The following KYAT3 variants were observed in gnomAD, a reference collection of about 807,000 sequenced individuals.
KYAT3 encodes kynurenine aminotransferase 3.
KYAT3 carries 50 observed loss-of-function variants against 59.0 expected under a neutral mutation model. The ratio of observed to expected loss-of-function variants is 0.85; its 90% CI spans 0.68 to 1.07. KYAT3 has a LOEUF of 1.07. Among genes scored for constraint, KYAT3 ranks in the 50% least tolerant of loss-of-function variants. KYAT3 has a pLI of 0.00. For synonymous variants in KYAT3, 148 were observed against 177.0 expected (o/e 0.84, Z 1.30); for missense variants, 497 against 533.3 (o/e 0.93, Z 0.67).
At chr1:88,966,986 AT>A (rs1676373778) in intron 4 of KYAT3, among the ~76,000 whole-genome samples, 1 of 152,076 alleles carries the variant, frequency 6.6e-6, no homozygotes, top group Non-Finnish European at 1.5e-5. Flanking sequence ...GCAATGATTA[AT>A]TTTTGGATAT....
chr1:88,925,870 C>G, the KYAT3 span, among the ~76,000 whole-genome samples: 1 of 152,126 alleles, frequency 6.6e-6, no homozygotes, highest in East Asian at 1.9e-4. Flanking sequence ...AATTTAAAAC[C>G]TATGATTGAT....
At chr1:88,930,677 T>C in the KYAT3 span, among the ~76,000 whole-genome samples, 3 of 152,072 alleles carry the variant, frequency 2.0e-5, no homozygotes, top group Non-Finnish European at 2.9e-5. Context: ...AAGGTAAATA[T>C]ATATACAGAC....
chr1:88,938,115 A>G (rs1194112768), intron 13 of KYAT3, among the ~76,000 whole-genome samples: 1 of 152,174 alleles, frequency 6.6e-6, no homozygotes, highest in Non-Finnish European at 1.5e-5. Context: ...AATACACAAG[A>G]AAGTATATGG....
chr1:88,956,173 G>A (rs1675907511), intron 8 of KYAT3, among the ~76,000 whole-genome samples: 1 of 152,122 alleles, frequency 6.6e-6, no homozygotes, highest in South Asian at 2.1e-4. Context: ...AGGCTTGGGG[G>A]CCATTTTAAA....
intron 13 of KYAT3, among the ~76,000 whole-genome samples, chr1:88,941,920 T>C (rs1186821739): frequency 6.6e-6 from 1 of 152,210 alleles, no homozygotes; most frequent in Non-Finnish European, 1.5e-5. Context: ...TTTTAAAATA[T>C]TTATCCTGTT....
intron 13 of KYAT3, among the ~76,000 whole-genome samples, chr1:88,937,280 G>C (rs1418275122): frequency 1.3e-5 from 2 of 152,154 alleles, no homozygotes; most frequent in East Asian, 3.8e-4. Flanking sequence ...CCCAGGTCGG[G>C]TGAAGATGTA....
chr1:88,948,752 A>G (rs1332970943), intron 11 of KYAT3, among the ~76,000 whole-genome samples: 1 of 152,214 alleles, frequency 6.6e-6, no homozygotes, highest in East Asian at 1.9e-4. Context: ...GTTAAGTAAA[A>G]AGGAAACTAC....
chr1:88,976,096 C>T (rs928986957), intron 2 of KYAT3, among the ~76,000 whole-genome samples: 4 of 151,326 alleles, frequency 2.6e-5, no homozygotes, highest in Non-Finnish European at 5.9e-5. Flanking sequence ...CAGTGGCTCA[C>T]GCCTGTAATC....
chr1:88,932,264 TGC>T (rs1166946717), downstream of KYAT3, among the ~76,000 whole-genome samples: 1 of 152,242 alleles, frequency 6.6e-6, no homozygotes, highest in African/African-American at 2.4e-5. Flanking sequence ...TAATTTTCAT[TGC>T]CATATGATAT....
At chr1:88,975,977 T>C (rs983958070) in intron 2 of KYAT3, among the ~76,000 whole-genome samples, 1 of 151,658 alleles carries the variant, frequency 6.6e-6, no homozygotes, top group African/African-American at 2.4e-5. Flanking sequence ...GAGGTTGCAG[T>C]GAGCCGGGAT....
chr1:88,936,357 TGAA>T, intron 13 of KYAT3, 112 bp from the exon 14 acceptor site: 1 of 806,878 alleles, frequency 1.2e-6, no homozygotes. Flanking sequence ...TGATCTCAAG[TGAA>T]GAAAAATTTT....
At chr1:88,986,670 A>G (rs944549493) in intron 2 of KYAT3, among the ~76,000 whole-genome samples, 3 of 152,188 alleles carry the variant, frequency 2.0e-5, no homozygotes, top group African/African-American at 7.2e-5. Flanking sequence ...AGCAAGTAAT[A>G]CAGGAAAATA....
the KYAT3 span, among the ~76,000 whole-genome samples, chr1:88,928,720 A>T: frequency 6.6e-6 from 1 of 152,090 alleles, no homozygotes; most frequent in African/African-American, 2.4e-5. Context: ...ATGCTAGACC[A>T]TTGAGGGCCA....
chr1:88,951,254 G>A lies in KYAT3; in HGVS notation c.954+1809C>T, dbSNP rs35584712. Among the ~76,000 whole-genome samples the A allele has an allele frequency of 7.1e-3, 1,023 of 144,468 alleles. 6 individuals carry two copies. Among genetic ancestry groups the A allele is most frequent in the Non-Finnish European group, 0.012 (778 of 66,532 alleles). The allele number at this position is 144,468 out of a possible 152,430, so 94.8% of individuals were successfully genotyped here. A position where few individuals can be genotyped will look rare whatever the true frequency, so the allele number is the denominator to read the frequency against. On this transcript the variant is annotated intron_variant, in intron 10 of 13. Coordinates refer to ENST00000260508, the MANE Select transcript of KYAT3 (RefSeq NM_001008661.3). ...TCTTTCTTTTCTTTTTTTTTTTTGA[G>A]ACGAAGTCTTGCTGTTGTTGCCCAG...
intron 5 of KYAT3, among the ~76,000 whole-genome samples, chr1:88,962,498 A>G (rs943272262): frequency 2.3e-4 from 35 of 152,374 alleles, no homozygotes; most frequent in African/African-American, 7.9e-4. Flanking sequence ...GCATTTCTTC[A>G]TATTTCAAAT....
chr1:88,984,888 CAT>C (rs1219844696), intron 2 of KYAT3, among the ~76,000 whole-genome samples: 5 of 152,192 alleles, frequency 3.3e-5, no homozygotes, highest in African/African-American at 1.2e-4. Flanking sequence ...TCCTTTACTA[CAT>C]ATGAATTTGT....
intron 2 of KYAT3, among the ~76,000 whole-genome samples, chr1:88,985,733 T>C (rs1269519790): frequency 2.0e-5 from 3 of 152,162 alleles, no homozygotes. Flanking sequence ...ATATAGTTCA[T>C]GGCATACAAT....
chr1:88,921,775 C>A, the KYAT3 span, among the ~76,000 whole-genome samples: 1 of 152,082 alleles, frequency 6.6e-6, no homozygotes, highest in Non-Finnish European at 1.5e-5. Context: ...TCAAGAAGAG[C>A]CAACATTGTA....
At chr1:88,958,237 C>T (rs6682686) in intron 8 of KYAT3, among the ~76,000 whole-genome samples, 84,720 of 151,806 alleles carry the variant, frequency 0.56, 24,790 homozygotes, top group African/African-American at 0.74. Context: ...CCATATTTAC[C>T]CTGGTTAAAG....
Sources: allele counts gnomAD v4.1 joint callset (sites outside exome capture counted in the v4.1 genomes callset), GRCh38; gene constraint gnomAD v4.1.1; transcripts MANE v1.5; gene names NCBI Gene and HGNC (gene_info 2026-07-23, HGNC 2026-07-21).